The following PPARGC1A variants were observed in gnomAD, a reference collection of about 807,000 sequenced individuals.
PPARGC1A encodes PPARG coactivator 1 alpha.
A neutral mutation model predicts 88.7 loss-of-function variants in PPARGC1A; 25 were observed. That is an observed-to-expected ratio of 0.28 (90% CI 0.21 to 0.39). The LOEUF (loss-of-function observed/expected upper bound fraction) is 0.39, where lower values mean the gene tolerates loss of function less well. Among genes scored for constraint, PPARGC1A ranks in the 10% least tolerant of loss-of-function variants. The probability of loss-of-function intolerance (pLI) is 1.00; values close to 1 mark genes in which losing one functional copy is unlikely to be tolerated. For synonymous variants in PPARGC1A, 363 were observed against 355.6 expected (o/e 1.02, Z -0.24); for missense variants, 880 against 968.7 (o/e 0.91, Z 1.22).
intron 2 of PPARGC1A, among the ~76,000 whole-genome samples, chr4:23,859,662 T>C (rs926017562): frequency 5.9e-5 from 9 of 151,688 alleles, no homozygotes; most frequent in Admixed American, 2.6e-4. Flanking sequence ...GCGCCTGTAA[T>C]CCCAGCTACT....
chr4:24,466,749 T>C, the PPARGC1A span, among the ~76,000 whole-genome samples: 4 of 151,770 alleles, frequency 2.6e-5, no homozygotes, highest in African/African-American at 7.3e-5. Context: ...ACCTCATCTC[T>C]ACTAAAATAC....
chr4:24,422,858 C>T, the PPARGC1A span, among the ~76,000 whole-genome samples: 5 of 152,156 alleles, frequency 3.3e-5, no homozygotes, highest in African/African-American at 1.2e-4. Flanking sequence ...CATAATTGCA[C>T]CCCACTAGTT....
At chr4:24,174,848 C>T in the PPARGC1A span, among the ~76,000 whole-genome samples, 1 of 152,214 alleles carries the variant, frequency 6.6e-6, no homozygotes, top group South Asian at 2.1e-4. Context: ...ATGTCTTTCA[C>T]AGCAACAAAG....
chr4:24,342,479 C>A, the PPARGC1A span, among the ~76,000 whole-genome samples: 1 of 151,760 alleles, frequency 6.6e-6, no homozygotes, highest in Non-Finnish European at 1.5e-5. Flanking sequence ...ATTACACTAA[C>A]CAGCCTCCCA....
At chr4:24,410,765 C>T in the PPARGC1A span, among the ~76,000 whole-genome samples, 1 of 152,164 alleles carries the variant, frequency 6.6e-6, no homozygotes, top group Admixed American at 6.5e-5. Flanking sequence ...ATGCTTCCTG[C>T]CCTCGAACAT....
the PPARGC1A span, among the ~76,000 whole-genome samples, chr4:24,070,734 G>C: frequency 6.6e-6 from 1 of 152,270 alleles, no homozygotes; most frequent in South Asian, 2.1e-4. Flanking sequence ...TAGTCTGTGA[G>C]CAAAGAATGA....
intron 10 of PPARGC1A, among the ~76,000 whole-genome samples, chr4:23,804,818 C>T (rs1377201513): frequency 6.6e-6 from 1 of 152,164 alleles, no homozygotes; most frequent in African/African-American, 2.4e-5. Flanking sequence ...ACTCCCAAGC[C>T]TCTCACATAC....
chr4:24,364,599 A>G, the PPARGC1A span, among the ~76,000 whole-genome samples: 1 of 152,224 alleles, frequency 6.6e-6, no homozygotes, highest in East Asian at 1.9e-4. Context: ...AAAAGAAAGA[A>G]AAACCAAAGA....
upstream of PPARGC1A, among the ~76,000 whole-genome samples, chr4:23,891,139 A>C (rs1017070813): frequency 6.6e-6 from 1 of 152,188 alleles, no homozygotes; most frequent in Non-Finnish European, 1.5e-5. Flanking sequence ...GGTAGGTGCA[A>C]CTGTTTTATG....
At chr4:23,839,858 G>A (rs1043826284) in intron 2 of PPARGC1A, among the ~76,000 whole-genome samples, 1 of 151,984 alleles carries the variant, frequency 6.6e-6, no homozygotes, top group African/African-American at 2.4e-5. Context: ...GATCTCGTGC[G>A]ACCCATTCAC....
At chr4:24,366,084 C>T in the PPARGC1A span, among the ~76,000 whole-genome samples, 1 of 152,152 alleles carries the variant, frequency 6.6e-6, no homozygotes, top group Admixed American at 6.6e-5. Context: ...TTGAACCAGC[C>T]TGAAAGAGTC....
At chr4:23,835,013 A>G (rs1232705752) in intron 2 of PPARGC1A, among the ~76,000 whole-genome samples, 2 of 152,172 alleles carry the variant, frequency 1.3e-5, no homozygotes, top group Non-Finnish European at 2.9e-5. Context: ...TAAATTGGGC[A>G]TTTTTCCAAG....
chr4:24,361,997 TGACA>T, the PPARGC1A span, among the ~76,000 whole-genome samples: 1 of 152,236 alleles, frequency 6.6e-6, no homozygotes, highest in Non-Finnish European at 1.5e-5. Flanking sequence ...AGCCCCATAC[TGACA>T]TTCTCAGGGT....
the PPARGC1A span, among the ~76,000 whole-genome samples, chr4:24,055,190 G>A: frequency 2.0e-5 from 3 of 152,284 alleles, no homozygotes; most frequent in Admixed American, 6.5e-5. Flanking sequence ...GTTCCAGCCC[G>A]TATCTGTGTG....
chr4:24,279,298 GA>G, the PPARGC1A span, among the ~76,000 whole-genome samples: 17 of 152,272 alleles, frequency 1.1e-4, no homozygotes, highest in African/African-American at 3.9e-4. Context: ...TAAATGCTGG[GA>G]AAAGAGCAAT....
chr4:24,293,639 CT>C, the PPARGC1A span, among the ~76,000 whole-genome samples: 1 of 132,678 alleles, frequency 7.5e-6, no homozygotes, highest in East Asian at 2.3e-4. Flanking sequence ...ACCCCTACCC[CT>C]GCCTGTGTTC....
the PPARGC1A span, among the ~76,000 whole-genome samples, chr4:23,959,475 G>A: frequency 2.0e-5 from 3 of 152,090 alleles, no homozygotes; most frequent in South Asian, 6.2e-4. Flanking sequence ...TACAGAAGGT[G>A]ATAATAAGAT....
At position 23,889,497 on chromosome 4, in the gene PPARGC1A, C is replaced by T. The variant is rs532733022; in HGVS notation, c.54+407G>A. The stretch of plus-strand genomic sequence containing the variant: ...AAAACGGACTATATTTGAACACATC[C>T]ATTTTAATATTTTTATCTTCGTCTT... On this transcript the variant is annotated intron_variant, in intron 1 of 12. Coordinates refer to ENST00000264867, the MANE Select transcript of PPARGC1A (RefSeq NM_013261.5). 6.6e-6 allele frequency: 3 copies of T among 456,118 alleles called. No homozygotes were observed. In the South Asian group the frequency reaches 2.8e-4, roughly 43 times the overall value. The allele number at this position is 456,118 out of a possible 1,614,324, so 28.3% of individuals were successfully genotyped here. A position where few individuals can be genotyped will look rare whatever the true frequency, so the allele number is the denominator to read the frequency against.
the PPARGC1A span, among the ~76,000 whole-genome samples, chr4:24,431,845 G>A: frequency 6.6e-6 from 1 of 152,132 alleles, no homozygotes; most frequent in Admixed American, 6.5e-5. Context: ...AATCAAGCCA[G>A]GGAAGGAAAG....
Sources: gnomAD v4.1 joint callset for allele counts (sites outside exome capture counted in the v4.1 genomes callset) on GRCh38, gnomAD v4.1.1 for gene constraint, MANE v1.5 for transcripts, NCBI Gene and HGNC (gene_info 2026-07-23, HGNC 2026-07-21) for gene names.